Variants in AFF3 observed in about 807,000 individuals in gnomAD.
AFF3 encodes ALF transcription elongation factor 3, also known as AF4/FMR2 family member 3.
In AFF3, 32 loss-of-function variants were observed where a neutral mutation model predicts 129.7. The observed-to-expected ratio is 0.25, with a 90% CI of 0.19 to 0.33. AFF3 has a LOEUF of 0.33. AFF3 is among the 10% of genes least tolerant of loss of function. The pLI is 1.00. For synonymous variants in AFF3, 644 were observed against 635.4 expected (o/e 1.01, Z -0.20); for missense variants, 1,373 against 1,592.0 (o/e 0.86, Z 2.34).
At chr2:99,797,138 A>T (rs1161576441) in intron 8 of AFF3, among the ~76,000 whole-genome samples, 1 of 152,212 alleles carries the variant, frequency 6.6e-6, no homozygotes, top group African/African-American at 2.4e-5. Context: ...GTGAGAAAAA[A>T]ATAAGACAAC....
At chr2:99,824,812 C>T (rs563476655) in intron 8 of AFF3, among the ~76,000 whole-genome samples, 1 of 152,102 alleles carries the variant, frequency 6.6e-6, no homozygotes, top group African/African-American at 2.4e-5. Context: ...GTGCTGCACA[C>T]GGCACTTTTC....
intron 7 of AFF3, among the ~76,000 whole-genome samples, chr2:100,002,204 T>C (rs1441993326): frequency 6.6e-6 from 1 of 152,246 alleles, no homozygotes; most frequent in East Asian, 1.9e-4. Flanking sequence ...GGCATGAATA[T>C]GTAATGTACA....
Position 100,122,019 on chromosome 2 carries a change from G to A in AFF3, c.-145+7205C>T, listed in dbSNP as rs538560620. 5.9e-5 allele frequency among the ~76,000 whole-genome samples: 9 copies of A among 152,296 alleles called. No homozygotes were observed. The East Asian group carries it at 1.4e-3, about 23-fold the overall frequency. ...GGAGCTTGCAGTGAGCCGAGATTGC[G>A]CCACTGCAGTCCGCAGTCCGGCCTG... On this transcript the variant is annotated intron_variant, in intron 2 of 24. Transcript: ENST00000672756.
chr2:99,954,428 G>C lies in AFF3; in HGVS notation c.873+52204C>G, dbSNP rs575690093. On this transcript the variant is annotated intron_variant, in intron 7 of 24. Transcript: ENST00000672756. The stretch of plus-strand genomic sequence containing the variant: ...TCCCATTACTGGGTATATACCCAAA[G>C]GACTACAAATCATGCTGCTATAAAG... 7.9e-5 allele frequency among the ~76,000 whole-genome samples: 12 copies of C among 152,164 alleles called. No individual in the cohort carries two copies. The East Asian group carries it at 2.3e-3, about 29-fold the overall frequency.
intron 8 of AFF3, among the ~76,000 whole-genome samples, chr2:99,780,765 A>G (rs1684342081): frequency 6.6e-6 from 1 of 152,130 alleles, no homozygotes; most frequent in Non-Finnish European, 1.5e-5. Context: ...TGAGCATGCC[A>G]TATATTACTG....
At chr2:99,933,480 C>T (rs1369299828) in intron 7 of AFF3, among the ~76,000 whole-genome samples, 5 of 151,920 alleles carry the variant, frequency 3.3e-5, no homozygotes, top group African/African-American at 1.2e-4. Context: ...TAATGCTATC[C>T]CTCACCTTGC....
intron 11 of AFF3, among the ~76,000 whole-genome samples, chr2:99,687,798 A>G (rs1465148645): frequency 1.3e-5 from 2 of 152,208 alleles, no homozygotes; most frequent in African/African-American, 4.8e-5. Flanking sequence ...TTAGGATCTC[A>G]CAGCAGAATG....
chr2:99,985,343 C>A (rs1013844872), intron 7 of AFF3, among the ~76,000 whole-genome samples: 3 of 152,158 alleles, frequency 2.0e-5, no homozygotes, highest in Admixed American at 1.3e-4. Flanking sequence ...ATGAACATGA[C>A]CTCCTTTGAA....
intron 7 of AFF3, among the ~76,000 whole-genome samples, chr2:99,979,248 T>C (rs949102975): frequency 6.6e-6 from 1 of 152,062 alleles, no homozygotes; most frequent in Non-Finnish European, 1.5e-5. Flanking sequence ...CACTGCTTTT[T>C]TTCCCAAGGG....
intron 7 of AFF3, among the ~76,000 whole-genome samples, chr2:99,999,369 C>T (rs914997364): frequency 2.6e-5 from 4 of 152,222 alleles, no homozygotes; most frequent in African/African-American, 9.7e-5. Flanking sequence ...TGGTGGGGAG[C>T]ACCTTCTTTC....
chr2:99,727,547 T>C (rs1336598065), intron 10 of AFF3, among the ~76,000 whole-genome samples: 2 of 145,660 alleles, frequency 1.4e-5, no homozygotes, highest in African/African-American at 5.1e-5. Context: ...GAATCAGAAC[T>C]TGGAGGAAAG....
chr2:99,656,797 T>C (rs567450192), intron 12 of AFF3, among the ~76,000 whole-genome samples: 1 of 152,320 alleles, frequency 6.6e-6, no homozygotes, highest in Non-Finnish European at 1.5e-5. Context: ...TCTCTATTTT[T>C]TCCTCAGCAA....
chr2:99,612,865 C>T (rs139337554), intron 13 of AFF3, among the ~76,000 whole-genome samples: 2 of 152,292 alleles, frequency 1.3e-5, no homozygotes, highest in African/African-American at 4.8e-5. Context: ...GTGGTCTTTC[C>T]CTGCCAGTGT....
intron 7 of AFF3, among the ~76,000 whole-genome samples, chr2:99,895,133 T>C (rs980799342): frequency 6.6e-6 from 1 of 152,140 alleles, no homozygotes; most frequent in African/African-American, 2.4e-5. Flanking sequence ...TTGTTGACAG[T>C]TTTTCTGTAT....
rs149898804 is a variant in AFF3 at position 99,900,130 on chromosome 2, A to G, written c.874-62606T>C. The stretch of plus-strand genomic sequence containing the variant: ...ATGTAGGAAACGTGGGAACCCTGTG[A>G]AGAGGCTGTAACTTACCATGAGAAA... On this transcript the variant is annotated intron_variant, in intron 7 of 24. Coordinates refer to ENST00000672756, the MANE Select transcript of AFF3 (RefSeq NM_001386135.1). Among the ~76,000 whole-genome samples, 402 of 152,296 alleles carry G rather than the reference A, an allele frequency of 2.6e-3. 6 individuals are homozygous for G. Among genetic ancestry groups the G allele is most frequent in the African/African-American group, 9.3e-3 (386 of 41,576 alleles).
chr2:99,583,349 T>G (rs1677769258), intron 16 of AFF3, among the ~76,000 whole-genome samples: 2 of 152,150 alleles, frequency 1.3e-5, no homozygotes, highest in African/African-American at 4.8e-5. Context: ...GAGCAAGCAG[T>G]GGGAAAGTCA....
intron 7 of AFF3, among the ~76,000 whole-genome samples, chr2:99,866,071 A>G (rs1173412594): frequency 6.6e-6 from 1 of 152,232 alleles, no homozygotes; most frequent in Non-Finnish European, 1.5e-5. Context: ...CAATTCACAC[A>G]TGGTTGCTGA....
At chr2:99,943,375 A>C (rs1353637982) in intron 7 of AFF3, among the ~76,000 whole-genome samples, 2 of 152,150 alleles carry the variant, frequency 1.3e-5, no homozygotes, top group East Asian at 3.9e-4. Context: ...TGACATCCCT[A>C]ATCTTTTGAT....
chr2:99,573,454 G>A (rs1049493609), intron 18 of AFF3, among the ~76,000 whole-genome samples: 40 of 152,184 alleles, frequency 2.6e-4, no homozygotes, highest in African/African-American at 9.2e-4. Context: ...AGACCCTCAA[G>A]AGAACATGCC....
Sources: gnomAD v4.1 joint callset for allele counts (sites outside exome capture counted in the v4.1 genomes callset) on GRCh38, gnomAD v4.1.1 for gene constraint, MANE v1.5 for transcripts, NCBI Gene and HGNC (gene_info 2026-07-23, HGNC 2026-07-21) for gene names.